Variants in DAB1 observed in about 807,000 individuals in gnomAD.
DAB1 encodes disabled homolog 1.
In DAB1, 15 loss-of-function variants were observed where a neutral mutation model predicts 64.6. The ratio of observed to expected loss-of-function variants is 0.23; its 90% CI spans 0.16 to 0.36. DAB1 has a LOEUF of 0.36. Ranked by LOEUF, DAB1 falls within the 10% of genes least tolerant of loss-of-function variation. The pLI, the probability that DAB1 is intolerant of heterozygous loss-of-function variation, is 1.00. For missense variants in DAB1, 596 were observed against 706.7 expected, an observed-to-expected ratio of 0.84 and a Z score of 1.78; for synonymous variants, 235 against 251.9, an observed-to-expected ratio of 0.93 and a Z score of 0.64.
chr1:58,303,872 T>C (rs1189143768), intron 4 of DAB1, among the ~76,000 whole-genome samples: 6 of 152,228 alleles, frequency 3.9e-5, no homozygotes, highest in Non-Finnish European at 5.9e-5. Context: ...CCTAATTTAT[T>C]TGCTTATGTT....
chr1:57,810,147 A>G (rs1651549875), intron 6 of DAB1, among the ~76,000 whole-genome samples: 1 of 152,078 alleles, frequency 6.6e-6, no homozygotes, highest in Admixed American at 6.6e-5. Flanking sequence ...GGAGAGGGAG[A>G]AAAAGGCAGT....
chr1:58,261,085 G>T (rs1661037920), intron 4 of DAB1, among the ~76,000 whole-genome samples: 1 of 152,134 alleles, frequency 6.6e-6, no homozygotes, highest in Admixed American at 6.5e-5. Context: ...ATATAAGGTA[G>T]ATATTTGTGG....
At chr1:57,039,983 G>A (rs948994275) in intron 9 of DAB1, among the ~76,000 whole-genome samples, 2 of 152,110 alleles carry the variant, frequency 1.3e-5, no homozygotes, top group African/African-American at 4.8e-5. Flanking sequence ...AAATATACAT[G>A]ATTTACTGAG....
intron 3 of DAB1, among the ~76,000 whole-genome samples, chr1:58,388,544 G>A (rs1344735526): frequency 1.3e-5 from 2 of 152,190 alleles, no homozygotes; most frequent in African/African-American, 4.8e-5. Context: ...GTCAGAGCAG[G>A]AAGCCAGAAG....
chr1:58,072,187 T>G (rs1161217692), intron 5 of DAB1, among the ~76,000 whole-genome samples: 1 of 152,142 alleles, frequency 6.6e-6, no homozygotes. Flanking sequence ...TTCTTTATAC[T>G]TTTTTCACAC....
intron 1 of DAB1, among the ~76,000 whole-genome samples, chr1:57,316,407 T>C (rs1304257852): frequency 6.6e-6 from 1 of 152,184 alleles, no homozygotes; most frequent in East Asian, 1.9e-4. Flanking sequence ...GCCATCCACC[T>C]TCCCCCTCAA....
At chr1:58,197,175 G>T (rs1212150983) in intron 4 of DAB1, among the ~76,000 whole-genome samples, 4 of 152,094 alleles carry the variant, frequency 2.6e-5, no homozygotes, top group African/African-American at 9.7e-5. Context: ...AAGCTTCAGT[G>T]GCCTACAACA....
chr1:58,540,300 A>G (rs1213775225), intron 1 of DAB1, among the ~76,000 whole-genome samples: 4 of 152,118 alleles, frequency 2.6e-5, no homozygotes, highest in African/African-American at 9.7e-5. Flanking sequence ...AAAAATCTAA[A>G]CAGGTATTAG....
At chr1:57,588,701 A>C (rs1645408325) in intron 7 of DAB1, among the ~76,000 whole-genome samples, 1 of 152,250 alleles carries the variant, frequency 6.6e-6, no homozygotes, top group African/African-American at 2.4e-5. Context: ...GAGGAAAAAC[A>C]ATAGCTCATG....
intron 4 of DAB1, among the ~76,000 whole-genome samples, chr1:58,335,588 T>C (rs946625094): frequency 1.5e-5 from 2 of 137,140 alleles, no homozygotes; most frequent in African/African-American, 5.4e-5. Context: ...GGCATTAGCC[T>C]GGAGGCCAGG....
At chr1:57,113,049 T>C (rs1056096142) in intron 4 of DAB1, among the ~76,000 whole-genome samples, 4 of 151,582 alleles carry the variant, frequency 2.6e-5, no homozygotes, top group Non-Finnish European at 5.9e-5. Flanking sequence ...AAAAAGGGGG[T>C]GAACAGACTC....
At chr1:58,230,527 G>C (rs770621101) in intron 4 of DAB1, among the ~76,000 whole-genome samples, 1 of 152,150 alleles carries the variant, frequency 6.6e-6, no homozygotes, top group Non-Finnish European at 1.5e-5. Flanking sequence ...CTTATTGAAC[G>C]ACAGTCAGCT....
chr1:57,428,501 T>A (rs936865130), upstream of DAB1, among the ~76,000 whole-genome samples: 1 of 152,218 alleles, frequency 6.6e-6, no homozygotes, highest in African/African-American at 2.4e-5. Context: ...TTCCTTCTAT[T>A]TTAAGACTGA....
At chr1:58,151,724 G>A (rs1654949842) in intron 4 of DAB1, among the ~76,000 whole-genome samples, 1 of 152,188 alleles carries the variant, frequency 6.6e-6, no homozygotes, top group Admixed American at 6.5e-5. Context: ...TATGTGCAAT[G>A]TACCTGCTAG....
intron 3 of DAB1, among the ~76,000 whole-genome samples, chr1:58,437,690 A>G (rs1336668202): frequency 6.6e-6 from 1 of 152,254 alleles, no homozygotes; most frequent in East Asian, 1.9e-4. Context: ...CACCTAGTAG[A>G]AAATATCTGT....
Position 57,379,176 on chromosome 1 carries a change from C to A in DAB1, c.-137+44754G>T, listed in dbSNP as rs1361159224. On this transcript the variant is annotated intron_variant, in intron 1 of 14. Transcript: ENST00000371236. ...GGCTACCAGCTAAGAAACCCCCTCC[C>A]CCACCATCTTTTCCTATTTCGTACA... is the stretch of plus-strand genomic sequence containing the variant. Among the ~76,000 whole-genome samples, 8 of 152,206 alleles carry A rather than the reference C, an allele frequency of 5.3e-5. No homozygotes were observed. The South Asian group carries it at 1.7e-3, about 32-fold the overall frequency.
chr1:58,306,427 G>A (rs774423353), intron 4 of DAB1, among the ~76,000 whole-genome samples: 8 of 152,126 alleles, frequency 5.3e-5, no homozygotes, highest in Non-Finnish European at 7.4e-5. Context: ...GATAATCACA[G>A]GACGCTTTGA....
Position 58,396,588 on chromosome 1 carries a change from C to G in DAB1, n.258-53185G>C, listed in dbSNP as rs926180044. Among the ~76,000 whole-genome samples the G allele has an allele frequency of 5.9e-5, 9 of 151,644 alleles. No individual in the cohort carries two copies. The East Asian group carries it at 1.7e-3, about 29-fold the overall frequency. On this transcript the variant is annotated intron_variant and non_coding_transcript_variant, in intron 3 of 20. Coordinates refer to the DAB1 transcript ENST00000485760. ...ACACAGAGATATGCAAGGAGGGAGA[C>G]ACAGACAGAAACCAGCATGCAGAGA...
chr1:57,455,833 T>C (rs17115807), intron 7 of DAB1, among the ~76,000 whole-genome samples: 11,646 of 152,184 alleles, frequency 0.077, 647 homozygotes, highest in East Asian at 0.17. Context: ...AACTTAGAGT[T>C]GGAAGAAAAC....
Sources: allele counts gnomAD v4.1 joint callset (sites outside exome capture counted in the v4.1 genomes callset), GRCh38; gene constraint gnomAD v4.1.1; transcripts MANE v1.5; gene names NCBI Gene and HGNC (gene_info 2026-07-23, HGNC 2026-07-21).